SUPT3H: variants seen among roughly 807,000 people sequenced by gnomAD.
The protein encoded by SUPT3H is SPT3 homolog, SAGA and STAGA complex component.
SUPT3H carries 44 observed loss-of-function variants against 44.3 expected under a neutral mutation model. That is an observed-to-expected ratio of 0.99 (90% confidence interval 0.78 to 1.28). SUPT3H has a LOEUF of 1.28. Ranked by LOEUF, SUPT3H falls within the 50% of genes most tolerant of loss-of-function variation. The probability of loss-of-function intolerance (pLI) is 0.00; values close to 1 mark genes in which losing one functional copy is unlikely to be tolerated. For synonymous variants in SUPT3H, 124 were observed against 125.6 expected, an observed-to-expected ratio of 0.99 and a Z score of 0.09; for missense variants, 380 against 387.1, an observed-to-expected ratio of 0.98 and a Z score of 0.15.
chr6:44,915,569 C>T (rs542748576), intron 10 of SUPT3H, among the ~76,000 whole-genome samples: 100 of 152,218 alleles, frequency 6.6e-4, no homozygotes, highest in Non-Finnish European at 1.1e-3. Context: ...ACATTATACC[C>T]TCCAGCATTA....
At chr6:44,890,142 C>T (rs1763042216) in intron 10 of SUPT3H, among the ~76,000 whole-genome samples, 1 of 151,204 alleles carries the variant, frequency 6.6e-6, no homozygotes, top group African/African-American at 2.4e-5. Flanking sequence ...GAAATAGGAA[C>T]ACTTTTACAC....
At chr6:45,253,496 A>C (rs1016546239) in intron 2 of SUPT3H, among the ~76,000 whole-genome samples, 2 of 152,120 alleles carry the variant, frequency 1.3e-5, no homozygotes, top group Non-Finnish European at 2.9e-5. Flanking sequence ...GCTCAGAATC[A>C]AAACAAATTA....
chr6:45,014,152 G>GTT (rs531788134), intron 5 of SUPT3H, among the ~76,000 whole-genome samples: 3 of 148,130 alleles, frequency 2.0e-5, no homozygotes, highest in Admixed American at 1.3e-4. Flanking sequence ...TCTATCAACT[G>GTT]TTTTTTTTTT....
intron 3 of SUPT3H, among the ~76,000 whole-genome samples, chr6:45,025,641 T>C (rs2153520848): frequency 6.6e-6 from 1 of 152,256 alleles, no homozygotes; most frequent in East Asian, 1.9e-4. Context: ...CCCAGCACTT[T>C]GGGAGGCCGA....
intron 3 of SUPT3H, among the ~76,000 whole-genome samples, chr6:45,070,373 A>G (rs1794181945): frequency 6.6e-6 from 1 of 152,104 alleles, no homozygotes; most frequent in Admixed American, 6.5e-5. Context: ...CCAGGATCCA[A>G]CCTAATCTTA....
intron 2 of SUPT3H, among the ~76,000 whole-genome samples, chr6:45,183,279 C>A (rs910070903): frequency 1.3e-5 from 2 of 151,854 alleles, no homozygotes; most frequent in African/African-American, 4.8e-5. Flanking sequence ...CTGATAGAGA[C>A]AAAGTAAGTT....
At chr6:45,312,120 G>C (rs1223826580) in intron 2 of SUPT3H, among the ~76,000 whole-genome samples, 2 of 152,058 alleles carry the variant, frequency 1.3e-5, no homozygotes, top group Non-Finnish European at 1.5e-5. Context: ...ACTTAAAGGG[G>C]TAGTAAAGAG....
At position 45,169,534 on chromosome 6, in the gene SUPT3H, T is replaced by A. The variant is rs144450231; in HGVS notation, c.102-63528A>T. On this transcript the variant is annotated intron_variant, in intron 2 of 10. Transcript: ENST00000371459. ...TTGTAAGAACTATCCAAAATATTGC[T>A]TGAACATAAAAAAAATGTTTTTATA... Among the ~76,000 whole-genome samples, 73 of 152,316 alleles carry A rather than the reference T, an allele frequency of 4.8e-4. No individual in the cohort carries two copies. The East Asian group carries it at 6.9e-3, about 14-fold the overall frequency.
chr6:45,215,225 C>T (rs1451189537), intron 2 of SUPT3H, among the ~76,000 whole-genome samples: 1 of 152,044 alleles, frequency 6.6e-6, no homozygotes, highest in Non-Finnish European at 1.5e-5. Flanking sequence ...AACATAAAAT[C>T]TGAAGAGCTG....
At chr6:45,002,083 T>C (rs1372582442) in intron 6 of SUPT3H, among the ~76,000 whole-genome samples, 1 of 152,132 alleles carries the variant, frequency 6.6e-6, no homozygotes, top group African/African-American at 2.4e-5. Flanking sequence ...TGTTTATTTG[T>C]ACATATGAAG....
chr6:45,279,601 A>C (rs1428261960), intron 2 of SUPT3H, among the ~76,000 whole-genome samples: 1 of 152,104 alleles, frequency 6.6e-6, no homozygotes, highest in Non-Finnish European at 1.5e-5. Context: ...TTCCACCACG[A>C]CTGTAAACTT....
rs147885928 is a variant in SUPT3H, at chr6:44,879,431, G to A, written c.913-49574C>T. Among the ~76,000 whole-genome samples the A allele has an allele frequency of 8.0e-3, 1,222 of 152,296 alleles. 7 individuals carry two copies. Among genetic ancestry groups the A allele is most frequent in the Non-Finnish European group, 0.014 (926 of 68,012 alleles). On this transcript the variant is annotated intron_variant, in intron 10 of 10. Coordinates refer to ENST00000371459, the MANE Select transcript of SUPT3H (RefSeq NM_003599.4). Reference sequence around the variant, plus strand: ...AAGAAAGGCAGCAGCCCCAGTCAGGGGCTTACAGATAAAGCTCCCATCTTC... The same window carrying A: ...AAGAAAGGCAGCAGCCCCAGTCAGGAGCTTACAGATAAAGCTCCCATCTTC...
chr6:44,996,224 C>T (rs1033212441), intron 6 of SUPT3H, among the ~76,000 whole-genome samples: 1 of 151,698 alleles, frequency 6.6e-6, no homozygotes, highest in Non-Finnish European at 1.5e-5. Flanking sequence ...GTTACCACTC[C>T]CATCTTACTT....
At chr6:45,156,755 A>G (rs2153598959) in intron 2 of SUPT3H, among the ~76,000 whole-genome samples, 1 of 151,848 alleles carries the variant, frequency 6.6e-6, no homozygotes, top group Middle Eastern at 3.4e-3. Context: ...CTTAATATAT[A>G]TATATATTTT....
intron 6 of SUPT3H, among the ~76,000 whole-genome samples, chr6:44,964,578 T>C (rs1582793629): frequency 1.3e-5 from 2 of 152,300 alleles, no homozygotes; most frequent in South Asian, 2.1e-4. Context: ...TCCATAAACA[T>C]GTGAAAGACT....
At chr6:45,038,735 G>A (rs1788065926) in intron 3 of SUPT3H, among the ~76,000 whole-genome samples, 1 of 152,078 alleles carries the variant, frequency 6.6e-6, no homozygotes, top group South Asian at 2.1e-4. Flanking sequence ...AGTGAATACA[G>A]CACATAAAAT....
At chr6:45,268,331 G>A (rs1003087024) in intron 2 of SUPT3H, among the ~76,000 whole-genome samples, 10 of 152,090 alleles carry the variant, frequency 6.6e-5, no homozygotes, top group African/African-American at 2.2e-4. Flanking sequence ...CATCAAACTT[G>A]AATGTCAAAT....
intron 9 of SUPT3H, among the ~76,000 whole-genome samples, chr6:44,934,513 G>GT (rs1771103471): frequency 6.6e-6 from 1 of 152,192 alleles, no homozygotes; most frequent in African/African-American, 2.4e-5. Context: ...GTTTACTATG[G>GT]TAAGTCTTTG....
At chr6:45,283,548 C>T (rs1019928848) in intron 2 of SUPT3H, among the ~76,000 whole-genome samples, 3 of 152,040 alleles carry the variant, frequency 2.0e-5, no homozygotes, top group Non-Finnish European at 2.9e-5. Flanking sequence ...ATCCTAAATA[C>T]ATATGCACCC....
Sources: gnomAD v4.1 joint callset for allele counts (sites outside exome capture counted in the v4.1 genomes callset) on GRCh38, gnomAD v4.1.1 for gene constraint, MANE v1.5 for transcripts, NCBI Gene and HGNC (gene_info 2026-07-23, HGNC 2026-07-21) for gene names.